Variants in TMEM135 observed in about 807,000 individuals in gnomAD.
TMEM135 encodes the protein transmembrane protein 135.
TMEM135 carries 30 observed loss-of-function variants against 60.3 expected under a neutral mutation model. The observed-to-expected ratio is 0.50, with a 90% CI of 0.37 to 0.68. TMEM135 has a LOEUF of 0.68. Among genes scored for constraint, TMEM135 ranks in the 30% least tolerant of loss-of-function variants. TMEM135 has a pLI of 0.00. For synonymous variants in TMEM135, 190 were observed against 186.7 expected (o/e 1.02, Z -0.14); for missense variants, 468 against 548.8 (o/e 0.85, Z 1.47).
intron 5 of TMEM135, among the ~76,000 whole-genome samples, chr11:87,223,527 G>T (rs116916018): frequency 0.015 from 2,356 of 152,038 alleles, 40 homozygotes; most frequent in Non-Finnish European, 0.025. Flanking sequence ...CACTCATTGC[G>T]CTTTAAGTCT....
chr11:87,115,736 TA>T (rs555042424), intron 4 of TMEM135, among the ~76,000 whole-genome samples: 4 of 152,086 alleles, frequency 2.6e-5, no homozygotes, highest in Non-Finnish European at 5.9e-5. Flanking sequence ...TTTTTCTTTT[TA>T]AATGAAAAGT....
At chr11:87,040,592 G>T (rs2135101099) in intron 1 of TMEM135, among the ~76,000 whole-genome samples, 1 of 151,902 alleles carries the variant, frequency 6.6e-6, no homozygotes, top group South Asian at 2.1e-4. Context: ...AACCTGGGAG[G>T]TGGAGGTTGT....
chr11:87,105,785 A>G (rs538989141), intron 4 of TMEM135, among the ~76,000 whole-genome samples: 2 of 152,136 alleles, frequency 1.3e-5, no homozygotes, highest in Admixed American at 1.3e-4. Flanking sequence ...AGTGTTGGGA[A>G]CATTTTAAAT....
intron 4 of TMEM135, among the ~76,000 whole-genome samples, chr11:87,101,792 T>C (rs1857462758): frequency 6.6e-6 from 1 of 152,048 alleles, no homozygotes; most frequent in Admixed American, 6.5e-5. Context: ...CTGACCAACA[T>C]GGATAAACCC....
At chr11:87,227,479 T>A (rs181359825) in intron 5 of TMEM135, among the ~76,000 whole-genome samples, 1 of 152,138 alleles carries the variant, frequency 6.6e-6, no homozygotes, top group African/African-American at 2.4e-5. Flanking sequence ...TTTTATACTT[T>A]CCCTGTATTT....
intron 5 of TMEM135, among the ~76,000 whole-genome samples, chr11:87,225,290 T>C (rs1449038821): frequency 6.6e-6 from 1 of 152,126 alleles, no homozygotes; most frequent in Non-Finnish European, 1.5e-5. Context: ...ATCTCATCTC[T>C]AAAGTAGGGG....
intron 6 of TMEM135, among the ~76,000 whole-genome samples, chr11:87,252,839 A>G (rs1004054717): frequency 2.2e-5 from 3 of 137,076 alleles, no homozygotes; most frequent in Non-Finnish European, 4.8e-5. Context: ...TGTATTATAT[A>G]TAGACAAGGA....
intron 5 of TMEM135, among the ~76,000 whole-genome samples, chr11:87,181,644 C>T (rs1392933796): frequency 2.6e-5 from 4 of 151,936 alleles, no homozygotes; most frequent in Admixed American, 1.3e-4. Context: ...TGAAACTGTT[C>T]GGCATAGTGA....
At chr11:87,173,661 T>C (rs1798799055) in intron 5 of TMEM135, among the ~76,000 whole-genome samples, 1 of 152,176 alleles carries the variant, frequency 6.6e-6, no homozygotes, top group Non-Finnish European at 1.5e-5. Context: ...CTTATTTTTA[T>C]TTTATTACAT....
At chr11:87,136,904 T>C (rs953167376) in intron 4 of TMEM135, among the ~76,000 whole-genome samples, 8 of 152,076 alleles carry the variant, frequency 5.3e-5, no homozygotes, top group Non-Finnish European at 1.0e-4. Context: ...TTCCAGATTA[T>C]AGTCTGTTTT....
At position 87,321,937 on chromosome 11, in the gene TMEM135, TG is replaced by T. The variant is rs1424523982; in HGVS notation, c.*606del. The T allele has an allele frequency of 2.2e-6, 1 of 454,426 alleles. No homozygotes were observed. Among genetic ancestry groups the T allele is most frequent in the Non-Finnish European group, 4.4e-6 (1 of 226,730 alleles). The allele number at this position is 454,426 out of a possible 1,614,324, so 28.1% of individuals were successfully genotyped here. ...TCTCATACCATTTGGATAAATGTCG[TG>T]GTATCCATGCTTTTTTTCAACTAAT... On this transcript the variant is annotated 3_prime_UTR_variant, in exon 15 of 15. Coordinates refer to ENST00000305494, the MANE Select transcript of TMEM135 (RefSeq NM_022918.4).
rs529376326 is a variant in TMEM135 at position 87,246,177 on chromosome 11, G to A, written c.509+9493G>A. 3.7e-5 allele frequency among the ~76,000 whole-genome samples: 5 copies of A among 135,018 alleles called. No homozygotes were observed. In the East Asian group the frequency reaches 8.1e-4, roughly 22 times the overall value. The allele number at this position is 135,018 out of a possible 152,430, so 88.6% of individuals were successfully genotyped here. The stretch of plus-strand genomic sequence containing the variant: ...TTTTCTTTAAGAATGTTGAATATTG[G>A]CCCCCACTGTCTTCTGGCTTGTAGA... On this transcript the variant is annotated intron_variant, in intron 6 of 14. Coordinates refer to ENST00000305494, the MANE Select transcript of TMEM135 (RefSeq NM_022918.4).
At chr11:87,246,755 A>G (rs1483571779) in intron 6 of TMEM135, among the ~76,000 whole-genome samples, 1 of 125,602 alleles carries the variant, frequency 8.0e-6, no homozygotes, top group Non-Finnish European at 1.7e-5. Flanking sequence ...ACATTCGTCT[A>G]AATTTTTTTC....
At chr11:87,191,088 G>T (rs561785565) in intron 5 of TMEM135, among the ~76,000 whole-genome samples, 1 of 152,236 alleles carries the variant, frequency 6.6e-6, no homozygotes, top group South Asian at 2.1e-4. Flanking sequence ...CCGGCTGGTT[G>T]CAAGGAGGCC....
At chr11:87,195,365 C>CT (rs1939918075) in intron 5 of TMEM135, among the ~76,000 whole-genome samples, 1 of 124,794 alleles carries the variant, frequency 8.0e-6, no homozygotes, top group Admixed American at 8.2e-5. Flanking sequence ...TTCCTTCCTT[C>CT]CTTCCTTCCT....
At chr11:87,314,655 C>A in intron 12 of TMEM135, 108 bp downstream of exon 12, 1 of 893,828 alleles carries the variant, frequency 1.1e-6, no homozygotes, top group East Asian at 2.7e-5. Context: ...AATTTTAATC[C>A]TCTAAAAGTA....
At chr11:87,315,371 A>C (rs1266982268) in intron 12 of TMEM135, among the ~76,000 whole-genome samples, 1 of 151,914 alleles carries the variant, frequency 6.6e-6, no homozygotes. Flanking sequence ...TTTTTGTAGG[A>C]GGTAACAGCC....
chr11:87,286,469 C>T (rs537396292), intron 6 of TMEM135, among the ~76,000 whole-genome samples: 3 of 152,264 alleles, frequency 2.0e-5, no homozygotes, highest in Non-Finnish European at 4.4e-5. Context: ...CTAGTGGACC[C>T]TGCGCCAGGG....
At chr11:87,299,851 A>G (rs1942413090) in intron 7 of TMEM135, among the ~76,000 whole-genome samples, 1 of 152,238 alleles carries the variant, frequency 6.6e-6, no homozygotes, top group African/African-American at 2.4e-5. Flanking sequence ...TTTGCACAAA[A>G]TTACTTATAG....
Sources: allele counts gnomAD v4.1 joint callset (sites outside exome capture counted in the v4.1 genomes callset), GRCh38; gene constraint gnomAD v4.1.1; transcripts MANE v1.5; gene names NCBI Gene and HGNC (gene_info 2026-07-23, HGNC 2026-07-21).